The following ME3 variants were observed in gnomAD, a reference collection of about 807,000 sequenced individuals.
The protein encoded by ME3 is NADP-dependent malic enzyme, mitochondrial.
In ME3, 48 loss-of-function variants were observed where a neutral mutation model predicts 68.9. That is an observed-to-expected ratio of 0.70 (90% CI 0.55 to 0.89). ME3 has a LOEUF of 0.89. Among genes scored for constraint, ME3 ranks in the 40% least tolerant of loss-of-function variants. ME3 has a pLI of 0.00. For synonymous variants in ME3, 320 were observed against 318.8 expected, an observed-to-expected ratio of 1.00 and a Z score of -0.04; for missense variants, 675 against 797.4, an observed-to-expected ratio of 0.85 and a Z score of 1.85.
intron 5 of ME3, among the ~76,000 whole-genome samples, chr11:86,506,263 G>T (rs1312684098): frequency 6.6e-6 from 1 of 152,138 alleles, no homozygotes; most frequent in Non-Finnish European, 1.5e-5. Flanking sequence ...TAAAATCACA[G>T]CGGTTGTGGT....
intron 2 of ME3, among the ~76,000 whole-genome samples, chr11:86,658,672 G>T (rs1946079609): frequency 6.6e-6 from 1 of 151,970 alleles, no homozygotes; most frequent in Admixed American, 6.6e-5. Flanking sequence ...GTTACCAGAG[G>T]CAGGACTGCC....
intron 7 of ME3, among the ~76,000 whole-genome samples, chr11:86,469,813 T>G (rs1269883624): frequency 2.6e-5 from 4 of 151,758 alleles, no homozygotes; most frequent in Admixed American, 2.0e-4. Context: ...CAGGGCTCAC[T>G]TAGAGACACA....
At chr11:86,534,239 C>G (rs1203410874) in intron 4 of ME3, among the ~76,000 whole-genome samples, 1 of 151,936 alleles carries the variant, frequency 6.6e-6, no homozygotes, top group Non-Finnish European at 1.5e-5. Flanking sequence ...CTAATGTAGA[C>G]TTTATAACAC....
chr11:86,612,864 G>C (rs757697169), intron 2 of ME3, among the ~76,000 whole-genome samples: 2 of 152,110 alleles, frequency 1.3e-5, no homozygotes, highest in Admixed American at 6.5e-5. Flanking sequence ...TAGATTGCCT[G>C]TTCACTCTGA....
At chr11:86,442,656 A>C (rs1395012175) in intron 14 of ME3, among the ~76,000 whole-genome samples, 165 bp downstream of exon 14, 1 of 152,076 alleles carries the variant, frequency 6.6e-6, no homozygotes, top group Non-Finnish European at 1.5e-5. Flanking sequence ...GGTGGAGCTC[A>C]AGCTGCAAAC....
At chr11:86,478,618 T>C (rs528988069) in intron 7 of ME3, among the ~76,000 whole-genome samples, 12 of 152,346 alleles carry the variant, frequency 7.9e-5, no homozygotes, top group Admixed American at 7.2e-4. Context: ...TATTGCTCAC[T>C]ACATCAAGTC....
At chr11:86,542,750 A>T (rs1359792720) in intron 4 of ME3, among the ~76,000 whole-genome samples, 4 of 152,248 alleles carry the variant, frequency 2.6e-5, no homozygotes, top group African/African-American at 9.6e-5. Context: ...ATCCAGGAGA[A>T]TTTCCCAAAC....
At chr11:86,672,247 C>T (rs1438758822) in intron 1 of ME3, 77 bp downstream of exon 1, 1 of 337,612 alleles carries the variant, frequency 3.0e-6, no homozygotes, top group Non-Finnish European at 5.3e-6. Context: ...GAAAAAGAGG[C>T]GACTGCGCGG....
At chr11:86,649,973 G>C (rs1286633731) in intron 2 of ME3, among the ~76,000 whole-genome samples, 1 of 151,974 alleles carries the variant, frequency 6.6e-6, no homozygotes, top group Admixed American at 6.6e-5. Context: ...ATTTCATGTG[G>C]AACCAAAAAA....
chr11:86,669,140 G>A (rs543469394), intron 2 of ME3, among the ~76,000 whole-genome samples: 4 of 152,234 alleles, frequency 2.6e-5, no homozygotes, highest in African/African-American at 9.6e-5. Flanking sequence ...ACTCCAGTGG[G>A]AAGAGAAGGG....
At chr11:86,668,907 C>T (rs56053971) in intron 2 of ME3, among the ~76,000 whole-genome samples, 3 of 152,206 alleles carry the variant, frequency 2.0e-5, no homozygotes, top group Non-Finnish European at 4.4e-5. Context: ...TGGAAGGGCT[C>T]TCCTTCTAAC....
At chr11:86,517,219 C>A (rs1366445132) in intron 4 of ME3, among the ~76,000 whole-genome samples, 4 of 152,060 alleles carry the variant, frequency 2.6e-5, no homozygotes, top group Non-Finnish European at 5.9e-5. Flanking sequence ...CAATAAAATG[C>A]AACATGGCAC....
At chr11:86,641,100 A>T (rs1012102424) in intron 2 of ME3, among the ~76,000 whole-genome samples, 3 of 152,000 alleles carry the variant, frequency 2.0e-5, no homozygotes, top group African/African-American at 7.3e-5. Flanking sequence ...CATAATATAT[A>T]TTTAAATTAA....
rs776434862 is a variant in ME3, at chr11:86,448,152, A to T, written c.1235T>A (p.Ile412Lys). The change falls in exon 11 of 15, where the codon ATA becomes AAA. Residue 412 changes from isoleucine (I) to lysine (K), a missense_variant and splice_region_variant. Coordinates refer to ENST00000543262, the Ensembl canonical transcript of ME3. Reference sequence around the variant, plus strand: ...GTGGGTACCCTCCCTCCTCCTACCTATGATGGCTGTGGGCTTCACCAGCCT... The same window carrying T: ...GTGGGTACCCTCCCTCCTCCTACCTTTGATGGCTGTGGGCTTCACCAGCCT... 6.8e-6 allele frequency: 11 copies of T among 1,611,104 alleles called. No individual in the cohort carries two copies. In the Admixed American group the frequency reaches 1.8e-4, roughly 27 times the overall value.
intron 11 of ME3, among the ~76,000 whole-genome samples, 159 bp downstream of exon 11, chr11:86,447,991 A>G (rs1949418176): frequency 6.6e-6 from 1 of 152,196 alleles, no homozygotes; most frequent in African/African-American, 2.4e-5. Context: ...TCTATACAAT[A>G]GTCACTCAAT....
downstream of ME3, among the ~76,000 whole-genome samples, chr11:86,440,067 A>G (rs1241389686): frequency 6.6e-6 from 1 of 152,334 alleles, no homozygotes; most frequent in East Asian, 1.9e-4. Context: ...TTACTCTTCT[A>G]GAAGTCTAAT....
At chr11:86,645,908 CAG>C (rs1270671723) in intron 2 of ME3, among the ~76,000 whole-genome samples, 6 of 152,210 alleles carry the variant, frequency 3.9e-5, no homozygotes, top group Non-Finnish European at 5.9e-5. Context: ...TCCAGGCAAA[CAG>C]GGTCTGGAGT....
intron 4 of ME3, among the ~76,000 whole-genome samples, chr11:86,513,269 A>T (rs943588037): frequency 2.0e-5 from 3 of 152,228 alleles, no homozygotes; most frequent in Admixed American, 6.5e-5. Context: ...TTCTATATGT[A>T]TAATTTCATG....
chr11:86,481,253 A>T (rs12291889), intron 7 of ME3, among the ~76,000 whole-genome samples: 1,776 of 123,912 alleles, frequency 0.014, 38 homozygotes, highest in African/African-American at 0.053. Flanking sequence ...GGGTGTCACT[A>T]TGTTGCCTGG....
Sources: allele counts gnomAD v4.1 joint callset (sites outside exome capture counted in the v4.1 genomes callset), GRCh38; gene constraint gnomAD v4.1.1; transcripts MANE v1.5; gene names NCBI Gene and HGNC (gene_info 2026-07-23, HGNC 2026-07-21).